Variants in LOC128462377 observed in about 807,000 individuals in gnomAD.
At chr16:89,386,377 C>T in the LOC128462377 span, among the ~76,000 whole-genome samples, 107 of 152,212 alleles carry the variant, frequency 7.0e-4, no homozygotes, top group African/African-American at 2.5e-3. Flanking sequence ...GTCCAGGGAC[C>T]GTCCACACTG....
the LOC128462377 span, among the ~76,000 whole-genome samples, chr16:89,401,124 T>C: frequency 3.0e-5 from 4 of 133,088 alleles, no homozygotes; most frequent in East Asian, 8.2e-4. Context: ...GAGGGAGTCT[T>C]GTTCTGCTGC....
the LOC128462377 span, among the ~76,000 whole-genome samples, chr16:89,382,093 C>A: frequency 6.6e-6 from 1 of 152,218 alleles, no homozygotes; most frequent in Non-Finnish European, 1.5e-5. Flanking sequence ...CAGGCGCCAC[C>A]AGAACGGGCG....
the LOC128462377 span, among the ~76,000 whole-genome samples, chr16:89,402,784 G>C: frequency 6.9e-6 from 1 of 144,192 alleles, no homozygotes; most frequent in Non-Finnish European, 1.5e-5. Flanking sequence ...AGCTCTGTGG[G>C]ATGAGGTGAG....
chr16:89,404,272 C>G, the LOC128462377 span, among the ~76,000 whole-genome samples: 9 of 152,208 alleles, frequency 5.9e-5, no homozygotes, highest in South Asian at 1.2e-3. Context: ...CTCACCAAGG[C>G]ACTAAATCAC....
the LOC128462377 span, among the ~76,000 whole-genome samples, chr16:89,341,811 G>C: frequency 5.3e-5 from 8 of 150,632 alleles, no homozygotes; most frequent in African/African-American, 7.5e-5. Context: ...GGCACGGATG[G>C]ACCAGCCCAC....
the LOC128462377 span, among the ~76,000 whole-genome samples, chr16:89,371,107 C>T: frequency 2.1e-4 from 32 of 152,266 alleles, no homozygotes; most frequent in Admixed American, 1.9e-3. Context: ...TACTGAAAAC[C>T]GCCGAGGGGG....
At chr16:89,363,565 C>A in the LOC128462377 span, among the ~76,000 whole-genome samples, 2 of 152,162 alleles carry the variant, frequency 1.3e-5, no homozygotes, top group Non-Finnish European at 2.9e-5. Context: ...AATTCTGAGT[C>A]CAGAATCTAG....
At chr16:89,336,836 C>T in the LOC128462377 span, among the ~76,000 whole-genome samples, 1,478 of 152,044 alleles carry the variant, frequency 9.7e-3, 10 homozygotes, top group Middle Eastern at 0.02. Flanking sequence ...CATTAGAAAA[C>T]AACTGCAGGC....
the LOC128462377 span, among the ~76,000 whole-genome samples, chr16:89,345,181 C>G: frequency 6.6e-6 from 1 of 152,096 alleles, no homozygotes; most frequent in Non-Finnish European, 1.5e-5. Flanking sequence ...CAAAAAGACA[C>G]TGTACAATCT....
At chr16:89,321,721 T>C in the LOC128462377 span, among the ~76,000 whole-genome samples, 877 of 152,266 alleles carry the variant, frequency 5.8e-3, 7 homozygotes, top group African/African-American at 0.02. Context: ...AAAGACTTCT[T>C]TGGGGTTGAA....
the LOC128462377 span, among the ~76,000 whole-genome samples, chr16:89,348,067 G>A: frequency 5.3e-5 from 8 of 151,882 alleles, no homozygotes; most frequent in Non-Finnish European, 1.5e-5. Context: ...CAGGGTAACT[G>A]GGACTACAGG....
the LOC128462377 span, among the ~76,000 whole-genome samples, chr16:89,334,536 C>T: frequency 2.6e-4 from 39 of 152,270 alleles, no homozygotes; most frequent in South Asian, 7.5e-3. Context: ...AAACACCCCA[C>T]CCATGTGGGC....
At chr16:89,396,977 A>C in the LOC128462377 span, among the ~76,000 whole-genome samples, 2 of 152,046 alleles carry the variant, frequency 1.3e-5, no homozygotes, top group African/African-American at 2.4e-5. Context: ...GGCATGAGCC[A>C]GGGGACTTGA....
chr16:89,343,447 T>C, the LOC128462377 span, among the ~76,000 whole-genome samples: 1 of 152,224 alleles, frequency 6.6e-6, no homozygotes, highest in Non-Finnish European at 1.5e-5. Flanking sequence ...ATGTGTAATC[T>C]CTTAAAAGCC....
At chr16:89,356,537 C>T in the LOC128462377 span, among the ~76,000 whole-genome samples, 1,231 of 150,588 alleles carry the variant, frequency 8.2e-3, 16 homozygotes, top group African/African-American at 0.028. Context: ...TTTGGGAGGC[C>T]GAGGCGGGCG....
chr16:89,343,198 C>G, the LOC128462377 span, among the ~76,000 whole-genome samples: 1 of 152,076 alleles, frequency 6.6e-6, no homozygotes, highest in African/African-American at 2.4e-5. Context: ...ACCATGTTGG[C>G]CAGGCTGGTC....
chr16:89,378,704 C>T, the LOC128462377 span, among the ~76,000 whole-genome samples: 2 of 152,168 alleles, frequency 1.3e-5, no homozygotes, highest in South Asian at 2.1e-4. Flanking sequence ...CTCAGCCTCC[C>T]GAGTAGCTGG....
chr16:89,384,879 CTTTTTTTTTTTTTTT>C, the LOC128462377 span, among the ~76,000 whole-genome samples: 7 of 49,910 alleles, frequency 1.4e-4, no homozygotes, highest in African/African-American at 3.2e-4. Context: ...AAATAGTTTT[CTTTTTTTTTTTTTTT>C]TTTTTTTTTT....
chr16:89,317,683 C>A, the LOC128462377 span, among the ~76,000 whole-genome samples: 1 of 152,206 alleles, frequency 6.6e-6, no homozygotes, highest in African/African-American at 2.4e-5. Flanking sequence ...GAAGCAGACG[C>A]CCCCTCGGGC....
Sources: allele counts gnomAD v4.1 joint callset (sites outside exome capture counted in the v4.1 genomes callset), GRCh38; gene constraint gnomAD v4.1.1; transcripts MANE v1.5.